Variants in ZNF551 observed in about 807,000 individuals in gnomAD.
The protein encoded by ZNF551 is zinc finger protein 551, also known as KOX 23 protein (56 AA).
In ZNF551, 5 loss-of-function variants were observed where a neutral mutation model predicts 7.9. The observed-to-expected ratio is 0.63, with a 90% confidence interval of 0.33 to 1.33. The LOEUF (loss-of-function observed/expected upper bound fraction) is 1.33. Ranked by LOEUF, ZNF551 falls within the 40% of genes most tolerant of loss-of-function variation. The pLI is 0.05. For missense variants in ZNF551, 788 were observed against 825.2 expected (o/e 0.95, Z 0.55); for synonymous variants, 287 against 277.3 (o/e 1.03, Z -0.35).
At position 57,688,392 on chromosome 19, in the gene ZNF551, T is replaced by C. The variant is rs1276732939; in HGVS notation, c.*104T>C. 5 of 1,462,422 alleles carry C rather than the reference T, an allele frequency of 3.4e-6. No homozygotes were observed. The East Asian group carries it at 1.1e-4, about 33-fold the overall frequency. 90.6% of individuals were successfully genotyped at this position (1,462,422 alleles called of 1,614,324 possible). ...AACTTTGAGCACCCACAGTGGGGTATTCTTCATAAGTTTCAGGTATGTGGG... is the reference window on the plus strand; with the variant it reads ...AACTTTGAGCACCCACAGTGGGGTACTCTTCATAAGTTTCAGGTATGTGGG... On this transcript the variant is annotated 3_prime_UTR_variant, in exon 3 of 3. Coordinates refer to ENST00000282296, the MANE Select transcript of ZNF551 (RefSeq NM_138347.5).
At position 57,687,442 on chromosome 19, in the gene ZNF551, G is replaced by A; in HGVS notation, c.1167G>A (p.Arg389=). The A allele has an allele frequency of 6.2e-7, 1 of 1,614,042 alleles. No individual in the cohort carries two copies. Among genetic ancestry groups the A allele is most frequent in the Non-Finnish European group, 8.5e-7 (1 of 1,180,016 alleles). The change falls in exon 3 of 3, where the codon AGG becomes AGA. Residue 389 remains arginine, a synonymous_variant. Transcript: ENST00000282296. ...ACCAGAGAGTTCACTCTGGAGAAAG[G>A]CCTTATCAGTGCTGTGAGTGTGGGA... ...FRHQRVHSGE[R]PYQCCECGKS... is the part of the protein sequence containing the mutation.
chr19:57,687,529 T>G lies in ZNF551; in HGVS notation c.1254T>G (p.Pro418=), dbSNP rs1456451976. 2.5e-6 allele frequency: 4 copies of G among 1,614,232 alleles called. No individual in the cohort carries two copies. In the Admixed American group the frequency reaches 5.0e-5, roughly 20 times the overall value. ...GAAGAGTTCACACTGGAGAAATGCC[T>G]TATCAGTGCAGTGATTGTGGGAAAT... ...RHRRVHTGEM[P]YQCSDCGKSF... is the part of the protein sequence containing the mutation. Residue 418 remains proline, a synonymous_variant, in exon 3 of 3, where the codon CCT becomes CCG. Transcript: ENST00000282296.
intron 1 of ZNF551, among the ~76,000 whole-genome samples, chr19:57,682,924 A>C (rs778952311): frequency 6.6e-6 from 1 of 152,268 alleles, no homozygotes; most frequent in African/African-American, 2.4e-5. Flanking sequence ...AGGTTGTCCA[A>C]GGCAAAGTTA....
rs746906158 is a variant in ZNF551 at position 57,688,134 on chromosome 19, GT to G, written c.1860del (p.Cys620TrpfsTer64). The G allele has an allele frequency of 6.2e-7, 1 of 1,614,118 alleles. No individual in the cohort carries two copies. Among genetic ancestry groups the G allele is most frequent in the South Asian group, 1.1e-5 (1 of 91,084 alleles). On this transcript the variant is annotated frameshift_variant, in exon 3 of 3. Coordinates refer to ENST00000282296, the MANE Select transcript of ZNF551 (RefSeq NM_138347.5). LOFTEE classifies it low-confidence loss of function (END_TRUNC). ...GAAAGACCTTATGAGTGCAGTCAAT[GT>G]GGGAAACCCTTTACCCACAAATCAG... is the stretch of plus-strand genomic sequence containing the variant. ...TGERPYECSQ[C>X]GKPFTHKSDL... is the part of the protein sequence containing the mutation.
chr19:57,689,887 G>T lies in ZNF551; in HGVS notation c.*1599G>T, dbSNP rs1984709497. ...TCACCTCAAGGCCATTGCTATGCAG[G>T]TAGGAGAACAAGAATAGAGAGAAGG... On this transcript the variant is annotated 3_prime_UTR_variant, in exon 3 of 3. Coordinates refer to ENST00000282296, the MANE Select transcript of ZNF551 (RefSeq NM_138347.5). The T allele has an allele frequency of 6.6e-6, 1 of 152,214 alleles. No individual in the cohort carries two copies. The highest frequency in any genetic ancestry group is 2.4e-5 in the African/African-American group (1 of 41,434). The allele number at this position is 152,214 out of a possible 1,614,324, so 9.4% of individuals were successfully genotyped here.
Position 57,687,155 on chromosome 19 carries a change from C to G in ZNF551, c.880C>G (p.Leu294Val), listed in dbSNP as rs1030721897. 6.2e-7 allele frequency: 1 copy of G among 1,614,236 alleles called. No individual in the cohort carries two copies. The highest frequency in any genetic ancestry group is 1.3e-5 in the African/African-American group (1 of 75,062). Residue 294 changes from leucine to valine, a missense_variant, in exon 3 of 3, where the codon CTA (leucine) becomes GTA (valine). Transcript: ENST00000282296. Reference sequence around the variant, plus strand: ...GGAATCCTTTAGCAAAAAGTGCCACCTAATCTTACACAAGATAATTCACAC... The same window carrying G: ...GGAATCCTTTAGCAAAAAGTGCCACGTAATCTTACACAAGATAATTCACAC... Reference protein sequence around the residue: ...CEESFSKKCHLILHKIIHTGE... With the variant: ...CEESFSKKCHVILHKIIHTGE...
intron 1 of ZNF551, among the ~76,000 whole-genome samples, 168 bp downstream of exon 1, chr19:57,682,412 G>C (rs568537929): frequency 6.6e-6 from 1 of 152,276 alleles, no homozygotes; most frequent in East Asian, 1.9e-4. Flanking sequence ...GAAATGTGAC[G>C]GGCAGTTGAC....
Position 57,688,246 on chromosome 19 carries a change from C to T in ZNF551, c.1971C>T (p.Asn657=). Residue 657 remains asparagine (N), a synonymous_variant, in exon 3 of 3, where the codon AAC becomes AAT. Coordinates refer to ENST00000282296, the MANE Select transcript of ZNF551 (RefSeq NM_138347.5). ...ECGKSFSRKS[N]LIRHRRVHTE... ...GGAAATCCTTTAGCCGCAAATCTAA[C>T]CTCATTCGACATCGGAGAGTTCACA... is the stretch of plus-strand genomic sequence containing the variant. The T allele has an allele frequency of 6.2e-7, 1 of 1,614,220 alleles. No homozygotes were observed. Among genetic ancestry groups the T allele is most frequent in the South Asian group, 1.1e-5 (1 of 91,088 alleles).
intron 2 of ZNF551, 85 bp downstream of exon 2, chr19:57,685,470 A>G: frequency 6.3e-7 from 1 of 1,598,312 alleles, no homozygotes; most frequent in Non-Finnish European, 8.6e-7. Flanking sequence ...CTGTCAGCCT[A>G]GTGGATCTTA....
In ZNF551 at chr19:57,688,543, A is replaced by G. The variant is rs1600022677; in HGVS notation, c.*255A>G. On this transcript the variant is annotated 3_prime_UTR_variant, in exon 3 of 3. Transcript: ENST00000282296. ...CCCTACCACCTGGCAGGTGCACACC[A>G]TGTGCATGAGTCACTTCCCCACAGT... 1 of 529,870 alleles carries G rather than the reference A, an allele frequency of 1.9e-6. No individual in the cohort carries two copies. Among genetic ancestry groups the G allele is most frequent in the South Asian group, 2.4e-5 (1 of 42,140 alleles). 32.8% of individuals were successfully genotyped at this position (529,870 alleles called of 1,614,324 possible).
Position 57,689,098 on chromosome 19 carries a change from G to C in ZNF551, c.*810G>C, listed in dbSNP as rs919795880. 7.2e-5 allele frequency: 11 copies of C among 152,200 alleles called. No homozygotes were observed. The highest frequency in any genetic ancestry group is 2.7e-4 in the African/African-American group (11 of 41,436). The allele number at this position is 152,200 out of a possible 1,614,324, so 9.4% of individuals were successfully genotyped here. On this transcript the variant is annotated 3_prime_UTR_variant, in exon 3 of 3. Transcript: ENST00000282296. ...CTTTGTGTTCCTGTATTGTGGCCTGGTGCCATTTTTGTCAGGTCAGAGGTC... is the reference window on the plus strand; with the variant it reads ...CTTTGTGTTCCTGTATTGTGGCCTGCTGCCATTTTTGTCAGGTCAGAGGTC...
Position 57,686,929 on chromosome 19 carries a change from T to C in ZNF551, c.654T>C (p.Asn218=), listed in dbSNP as rs112222442. The change falls in exon 3 of 3, where the codon AAT becomes AAC. Residue 218 remains asparagine, a synonymous_variant. Transcript: ENST00000282296. The stretch of plus-strand genomic sequence containing the variant: ...GCAAGCATATACAGGCATTTTTCAA[T>C]GCAAAAAGTTATTACAAGTGGGGTG... ...SSSKHIQAFF[N]AKSYYKWGEY... 2.2e-5 allele frequency: 35 copies of C among 1,614,116 alleles called. No individual in the cohort carries two copies. Among genetic ancestry groups the C allele is most frequent in the Middle Eastern group, 1.6e-4 (1 of 6,062 alleles).
rs760100445 is a variant in ZNF551, at chr19:57,688,211, A to C, written c.1936A>C (p.Ser646Arg). Residue 646 changes from serine (S) to arginine (R), a missense_variant, in exon 3 of 3, where the codon AGT becomes CGT. Ser to Arg is a moderately radical substitution (Grantham distance 110). Transcript: ENST00000282296. ...CACTGGAGAAAGGCCTTATGAATGC[A>C]GTGAATGTGGGAAATCCTTTAGCCG... ...VHTGERPYEC[S>R]ECGKSFSRKS... 1 of 1,614,282 alleles carries C rather than the reference A, an allele frequency of 6.2e-7. No homozygotes were observed. The highest frequency in any genetic ancestry group is 2.2e-5 in the East Asian group (1 of 44,894).
rs2122345510 is a variant in ZNF551, at chr19:57,689,147, A to G, written c.*859A>G. The G allele has an allele frequency of 6.6e-6, 1 of 152,336 alleles. No individual in the cohort carries two copies. The highest frequency in any genetic ancestry group is 1.9e-4 in the East Asian group (1 of 5,174). The allele number at this position is 152,336 out of a possible 1,614,324, so 9.4% of individuals were successfully genotyped here. A position where few individuals can be genotyped will look rare whatever the true frequency, so the allele number is the denominator to read the frequency against. ...TCACCATGAAAAGGAGGCAGTTGTG[A>G]CAATCCCCAGTGCTTCTGTGAACGT... is the stretch of plus-strand genomic sequence containing the variant. On this transcript the variant is annotated 3_prime_UTR_variant, in exon 3 of 3. Transcript: ENST00000282296.
chr19:57,687,034 T>C lies in ZNF551; in HGVS notation c.759T>C (p.Cys253=), dbSNP rs370868739. 1 of 1,614,234 alleles carries C rather than the reference T, an allele frequency of 6.2e-7. No homozygotes were observed. Among genetic ancestry groups the C allele is most frequent in the African/African-American group, 1.3e-5 (1 of 75,058 alleles). ...SVCSEGGLYE[C]SKCEKAFTCK... ...GTTCTGAAGGAGGGCTTTATGAGTG[T>C]AGCAAATGTGAGAAAGCCTTCACTT... Residue 253 remains cysteine, a synonymous_variant, in exon 3 of 3, where the codon TGT becomes TGC. Transcript: ENST00000282296.
chr19:57,687,980 A>C lies in ZNF551; in HGVS notation c.1705A>C (p.Ser569Arg). 2 of 1,614,156 alleles carry C rather than the reference A, an allele frequency of 1.2e-6. No individual in the cohort carries two copies. The highest frequency in any genetic ancestry group is 1.7e-6 in the Non-Finnish European group (2 of 1,180,034). ...YECSECGKSFSQSASLIQHQR... is the reference protein window; with the variant it reads ...YECSECGKSFRQSASLIQHQR... ...ATGTAGTGAATGTGGAAAGTCTTTT[A>C]GCCAAAGTGCTAGCCTCATTCAACA... Residue 569 changes from serine to arginine, a missense_variant, in exon 3 of 3, where the codon AGC becomes CGC. By Grantham distance (110) the Ser-to-Arg change is moderately radical. Coordinates refer to ENST00000282296, the MANE Select transcript of ZNF551 (RefSeq NM_138347.5).
rs200132818 is a variant in ZNF551, at chr19:57,685,304, G to C, written c.124G>C (p.Glu42Gln). 53 of 1,614,090 alleles carry C rather than the reference G, an allele frequency of 3.3e-5. No homozygotes were observed. The highest frequency in any genetic ancestry group is 4.5e-5 in the Non-Finnish European group (53 of 1,179,940). Residue 42 changes from glutamate to glutamine, a missense_variant, in exon 2 of 3, where the codon GAG becomes CAG. Glu to Gln is a conservative substitution (Grantham distance 29). Transcript: ENST00000282296. ...EDVAIYFSQE[E>Q]WELLDESQRF... ...TGTGGCCATTTATTTCTCCCAAGAA[G>C]AGTGGGAGCTCCTTGATGAGTCTCA...
At position 57,688,645 on chromosome 19, in the gene ZNF551, T is replaced by C. The variant is rs1415539716; in HGVS notation, c.*357T>C. 4.4e-6 allele frequency: 1 copy of C among 226,748 alleles called. No homozygotes were observed. Among genetic ancestry groups the C allele is most frequent in the Non-Finnish European group, 8.8e-6 (1 of 113,098 alleles). The allele number at this position is 226,748 out of a possible 1,614,324, so 14.0% of individuals were successfully genotyped here. On this transcript the variant is annotated 3_prime_UTR_variant, in exon 3 of 3. Transcript: ENST00000282296. Reference sequence around the variant, plus strand: ...ATAGCCCAAGCATGTAGGGTCTTCATGTCTTTTCTCTGACTTTAGAGTATA... The same window carrying C: ...ATAGCCCAAGCATGTAGGGTCTTCACGTCTTTTCTCTGACTTTAGAGTATA...
intron 1 of ZNF551, among the ~76,000 whole-genome samples, chr19:57,682,813 A>G (rs975569439): frequency 3.3e-5 from 5 of 152,180 alleles, no homozygotes; most frequent in Admixed American, 1.3e-4. Flanking sequence ...CCACTCGTCT[A>G]GCCTTGGGCC....
Sources: allele counts gnomAD v4.1 joint callset (sites outside exome capture counted in the v4.1 genomes callset), GRCh38; gene constraint gnomAD v4.1.1; transcripts MANE v1.5; gene names NCBI Gene and HGNC (gene_info 2026-07-23, HGNC 2026-07-21).